Variants in GOLGA4 observed in about 807,000 individuals in gnomAD.
GOLGA4 encodes golgin A4.
GOLGA4 carries 169 observed loss-of-function variants against 265.9 expected under a neutral mutation model. The observed-to-expected ratio is 0.64, with a 90% CI of 0.56 to 0.72. The LOEUF is 0.72. Among genes scored for constraint, GOLGA4 ranks in the 30% least tolerant of loss-of-function variants. The pLI is 0.00. For synonymous variants in GOLGA4, 923 were observed against 855.8 expected, an observed-to-expected ratio of 1.08 and a Z score of -1.37; for missense variants, 2,482 against 2,483.4, an observed-to-expected ratio of 1.00 and a Z score of 0.01.
intron 17 of GOLGA4, among the ~76,000 whole-genome samples, chr3:37,336,501 C>CT (rs2097013215): frequency 6.6e-6 from 1 of 151,966 alleles, no homozygotes; most frequent in Admixed American, 6.6e-5. Context: ...TAGCTCATGC[C>CT]TGTAATCCCA....
chr3:37,287,067 G>A (rs941118277), intron 4 of GOLGA4, among the ~76,000 whole-genome samples: 1 of 152,326 alleles, frequency 6.6e-6, no homozygotes, highest in East Asian at 1.9e-4. Flanking sequence ...TTGGCCAGGC[G>A]TGGTGGCTCA....
Position 37,274,203 on chromosome 3 carries a change from A to G in GOLGA4, c.163-7755A>G, listed in dbSNP as rs561748276. On this transcript the variant is annotated intron_variant, in intron 2 of 23. Coordinates refer to ENST00000361924, the MANE Select transcript of GOLGA4 (RefSeq NM_002078.5). ...GTTATAAAAGATCATGGAGGTAGCCATATTGAGAGACATACTGAGTTATAT... is the reference window on the plus strand; with the variant it reads ...GTTATAAAAGATCATGGAGGTAGCCGTATTGAGAGACATACTGAGTTATAT... 6.2e-4 allele frequency among the ~76,000 whole-genome samples: 95 copies of G among 152,222 alleles called. 1 individual carries two copies. Among genetic ancestry groups the G allele is most frequent in the South Asian group, 5.8e-3 (28 of 4,826 alleles).
chr3:37,328,571 T>C (rs371662818), intron 15 of GOLGA4, 34 bp downstream of exon 15: 2 of 1,576,562 alleles, frequency 1.3e-6, no homozygotes, highest in Admixed American at 1.8e-5. Context: ...GGAACAATTA[T>C]ATCAGCAGAG....
intron 20 of GOLGA4, among the ~76,000 whole-genome samples, chr3:37,345,032 T>C (rs1474705599): frequency 4.6e-5 from 7 of 151,920 alleles, no homozygotes; most frequent in African/African-American, 1.7e-4. Flanking sequence ...CTGGACAATG[T>C]AGTGGGACCC....
intron 21 of GOLGA4, among the ~76,000 whole-genome samples, chr3:37,351,179 C>G (rs1162333977): frequency 1.3e-5 from 2 of 152,086 alleles, no homozygotes; most frequent in South Asian, 2.1e-4. Flanking sequence ...CAACAATGTT[C>G]ACAGCATCTT....
Position 37,335,114 on chromosome 3 carries a change from A to G in GOLGA4, c.6254A>G (p.Gln2085Arg). The G allele has an allele frequency of 3.7e-6, 6 of 1,609,978 alleles. No homozygotes were observed. The highest frequency in any genetic ancestry group is 5.1e-6 in the Non-Finnish European group (6 of 1,177,546). The change falls in exon 17 of 24, where the codon CAG becomes CGG. Residue 2085 changes from glutamine to arginine, a missense_variant. This residue lies in a region of GOLGA4 where 942 missense variants were observed against 983.1 expected (regional missense o/e 0.96). Coordinates refer to ENST00000361924, the MANE Select transcript of GOLGA4 (RefSeq NM_002078.5). ...CTGCAGACTCAACTTGAGGAGCTGC[A>G]GAAGAAATACCAGCAAAAGCTAGAG... ...RDLQTQLEEL[Q>R]KKYQQKLEQE...
chr3:37,299,100 G>A (rs2096886243), intron 8 of GOLGA4, 80 bp downstream of exon 8: 19 of 1,244,390 alleles, frequency 1.5e-5, no homozygotes, highest in Non-Finnish European at 2.0e-5. Flanking sequence ...TTGTACCTCC[G>A]GGAGAGGAGA....
chr3:37,285,375 A>G (rs1389946674), intron 3 of GOLGA4, among the ~76,000 whole-genome samples: 1 of 152,172 alleles, frequency 6.6e-6, no homozygotes, highest in African/African-American at 2.4e-5. Context: ...GTGTGCTAGA[A>G]TGTTTAAATA....
At chr3:37,266,849 C>T in intron 2 of GOLGA4, 2 of 1,276,330 alleles carry the variant, frequency 1.6e-6, no homozygotes, top group South Asian at 1.2e-5. Flanking sequence ...CAGCTACTAG[C>T]CGGGATGATA....
chr3:37,298,882 G>A lies in GOLGA4; in HGVS notation c.864G>A (p.Val288=). Residue 288 remains valine (V), a synonymous_variant, in exon 8 of 24, where the codon GTG becomes GTA. Transcript: ENST00000361924. ...VKTLETLQQR[V]KRQENLLKRC... ...CACTGGAAACACTCCAGCAAAGAGT[G>A]AAGCGTCAAGAGAACCTACTTAAGC... The A allele has an allele frequency of 6.2e-7, 1 of 1,613,714 alleles. No individual in the cohort carries two copies. Among genetic ancestry groups the A allele is most frequent in the Non-Finnish European group, 8.5e-7 (1 of 1,179,788 alleles).
intron 17 of GOLGA4, among the ~76,000 whole-genome samples, chr3:37,336,640 G>A (rs912439169): frequency 3.3e-5 from 5 of 151,780 alleles, no homozygotes; most frequent in Admixed American, 6.6e-5. Flanking sequence ...GCATGGTGGC[G>A]CATGCCTGTG....
chr3:37,356,511 C>T (rs2097091395), intron 22 of GOLGA4, among the ~76,000 whole-genome samples: 1 of 152,046 alleles, frequency 6.6e-6, no homozygotes, highest in East Asian at 1.9e-4. Flanking sequence ...ATTTAGTAAC[C>T]TGAAAAGCAG....
chr3:37,286,527 T>G (rs73825057), intron 4 of GOLGA4, among the ~76,000 whole-genome samples: 2,288 of 152,274 alleles, frequency 0.015, 54 homozygotes, highest in African/African-American at 0.052. Flanking sequence ...GTTTTACCAT[T>G]ATTGGAGGTT....
At chr3:37,320,965 A>T (rs1379448072) in intron 12 of GOLGA4, among the ~76,000 whole-genome samples, 1 of 152,220 alleles carries the variant, frequency 6.6e-6, no homozygotes, top group Admixed American at 6.5e-5. Flanking sequence ...ATAACATGGT[A>T]CAAAATCTTT....
chr3:37,338,148 G>A (rs13314528), intron 19 of GOLGA4, among the ~76,000 whole-genome samples: 2,256 of 152,240 alleles, frequency 0.015, 50 homozygotes, highest in African/African-American at 0.052. Flanking sequence ...AGGACCATGT[G>A]TGTACACCTT....
intron 16 of GOLGA4, among the ~76,000 whole-genome samples, chr3:37,331,685 AT>A (rs1326892734): frequency 6.6e-6 from 1 of 152,168 alleles, no homozygotes; most frequent in African/African-American, 2.4e-5. Context: ...TATTAAAATA[AT>A]TATGTGATTT....
Position 37,325,852 on chromosome 3 carries a change from C to T in GOLGA4, c.3966C>T (p.Ala1322=), listed in dbSNP as rs146878883. ...AAAGTCTTGTAACAGAAAAAGAAGC[C>T]TTACAGAAGGAAGGAGGCAATCAGC... The part of the protein sequence containing the change: ...DIESLVTEKE[A]LQKEGGNQQQ... The change falls in exon 14 of 24, where the codon GCC becomes GCT. Residue 1322 remains alanine (A), a synonymous_variant. Transcript: ENST00000361924. The T allele has an allele frequency of 1.2e-6, 2 of 1,613,380 alleles. No individual in the cohort carries two copies. The highest frequency in any genetic ancestry group is 2.2e-5 in the East Asian group (1 of 44,826).
At chr3:37,340,023 G>T in intron 19 of GOLGA4, 101 bp from the exon 20 acceptor site, 3 of 556,288 alleles carry the variant, frequency 5.4e-6, no homozygotes, top group South Asian at 2.6e-5. Flanking sequence ...CCTATATTCT[G>T]TCTTCAGCAT....
At chr3:37,252,492 T>C (rs1279855056) in intron 2 of GOLGA4, among the ~76,000 whole-genome samples, 2 of 152,332 alleles carry the variant, frequency 1.3e-5, no homozygotes, top group South Asian at 2.1e-4. Flanking sequence ...GTATGTACTT[T>C]GGAGTAGAAT....
Sources: allele counts gnomAD v4.1 joint callset (sites outside exome capture counted in the v4.1 genomes callset), GRCh38; gene constraint gnomAD v4.1.1; regional missense constraint gnomAD v4.1.1; transcripts MANE v1.5; gene names NCBI Gene and HGNC (gene_info 2026-07-23, HGNC 2026-07-21).